Variants in DENND1C observed in about 807,000 individuals in gnomAD.
DENND1C encodes DENN domain containing 1C.
DENND1C carries 64 observed loss-of-function variants against 87.9 expected under a neutral mutation model. The observed-to-expected ratio is 0.73, with a 90% CI of 0.60 to 0.90. The LOEUF (loss-of-function observed/expected upper bound fraction) is 0.90. Ranked by LOEUF, DENND1C falls within the 40% of genes least tolerant of loss-of-function variation. The pLI, the probability that DENND1C is intolerant of heterozygous loss-of-function variation, is 0.00. For missense variants in DENND1C, 980 were observed against 1,037.0 expected (o/e 0.95, Z 0.76); for synonymous variants, 384 against 424.4 (o/e 0.90, Z 1.17).
In DENND1C at chr19:6,480,024, CCAAT is replaced by C. The variant is rs1913435035; in HGVS notation, c.41_44del (p.Asp14GlyfsTer97). Reference sequence around the variant, plus strand: ...AGGCAGGGCAGGCCGCTTCGAAGAACCAATCAAACACAGCAGGGGAGCCCCCTCT... The same window carrying C: ...AGGCAGGGCAGGCCGCTTCGAAGAACCAAACACAGCAGGGGAGCCCCCTCT... On this transcript the variant is annotated frameshift_variant, in exon 2 of 23. Coordinates refer to ENST00000381480, the MANE Select transcript of DENND1C (RefSeq NM_024898.4). LOFTEE classifies it high-confidence loss of function. The C allele has an allele frequency of 6.4e-7, 1 of 1,574,084 alleles. No individual in the cohort carries two copies. The highest frequency in any genetic ancestry group is 8.6e-7 in the Non-Finnish European group (1 of 1,156,942).
At chr19:6,471,208 G>A (rs1466995067) in intron 17 of DENND1C, 57 bp downstream of exon 17, 9 of 1,549,366 alleles carry the variant, frequency 5.8e-6, no homozygotes, top group Non-Finnish European at 7.9e-6. Flanking sequence ...ACCTCCTAAT[G>A]TGTTGGGATT....
chr19:6,477,199 G>T lies in DENND1C; in HGVS notation c.513+19C>A. ...TCACCTGGACCCCCGACCTTCCAGG[G>T]TCCCCGAGCCCCGCTCACCGGCTTG... On this transcript the variant is annotated intron_variant, in intron 8 of 22. Coordinates refer to ENST00000381480, the MANE Select transcript of DENND1C (RefSeq NM_024898.4). The T allele has an allele frequency of 6.3e-7, 1 of 1,588,638 alleles. No individual in the cohort carries two copies. Among genetic ancestry groups the T allele is most frequent in the Non-Finnish European group, 8.6e-7 (1 of 1,168,138 alleles).
At position 6,468,359 on chromosome 19, in the gene DENND1C, C is replaced by T. The variant is rs768841845; in HGVS notation, c.1666G>A (p.Glu556Lys). 2 of 1,613,950 alleles carry T rather than the reference C, an allele frequency of 1.2e-6. No individual in the cohort carries two copies. The highest frequency in any genetic ancestry group is 1.1e-5 in the South Asian group (1 of 91,068). The change falls in exon 22 of 23, where the codon GAA becomes AAA. Residue 556 changes from glutamate (E) to lysine (K), a missense_variant. Physicochemically the swap from Glu to Lys is moderately conservative, Grantham distance 56. Transcript: ENST00000381480. ...LDSSFLGSGE[E>K]LDLLSEILDS... ...AGAATCTCGCTCAACAAATCCAGTT[C>T]TTCTCCAGACCCCAAGAAGCTGCTG...
chr19:6,471,643 A>ATT, intron 15 of DENND1C, 147 bp from the exon 16 acceptor site: 1 of 670,722 alleles, frequency 1.5e-6, no homozygotes, highest in African/African-American at 1.8e-5. Flanking sequence ...AGCCCACTTT[A>ATT]TTTTTTATTT....
At chr19:6,473,467 T>TG (rs2092841219) in intron 14 of DENND1C, among the ~76,000 whole-genome samples, 2 of 150,690 alleles carry the variant, frequency 1.3e-5, no homozygotes, top group Non-Finnish European at 3.0e-5. Flanking sequence ...TTTTTTTTTT[T>TG]TTTTTTTTCA....
At chr19:6,479,570 G>A (rs2092886194) in intron 4 of DENND1C, 99 bp downstream of exon 4, 1 of 1,487,186 alleles carries the variant, frequency 6.7e-7, no homozygotes, top group African/African-American at 1.4e-5. Flanking sequence ...GTCCTCGAGT[G>A]TATGGGTTTC....
rs1182506560 is a variant in DENND1C, at chr19:6,467,467, TA to T, written c.*36del. 6.7e-7 allele frequency: 1 copy of T among 1,487,752 alleles called. No homozygotes were observed. The highest frequency in any genetic ancestry group is 8.9e-7 in the Non-Finnish European group (1 of 1,118,782). The allele number at this position is 1,487,752 out of a possible 1,614,324, so 92.2% of individuals were successfully genotyped here. A position where few individuals can be genotyped will look rare whatever the true frequency, so the allele number is the denominator to read the frequency against. ...CAGCTTTTTTGGGCTCTTGTGGCTT[TA>T]TTGAGGGACTGGGGTCTCTCTTGGA... On this transcript the variant is annotated 3_prime_UTR_variant, in exon 23 of 23. Transcript: ENST00000381480.
intron 6 of DENND1C, 24 bp downstream of exon 6, chr19:6,478,759 G>C: frequency 6.2e-7 from 1 of 1,602,066 alleles, no homozygotes; most frequent in Non-Finnish European, 8.5e-7. Context: ...ACTCCCACAG[G>C]AGTGAGAGAG....
intron 1 of DENND1C, 43 bp downstream of exon 1, chr19:6,481,636 C>T (rs575755441): frequency 9.3e-6 from 15 of 1,611,694 alleles, no homozygotes; most frequent in Admixed American, 3.4e-5. Flanking sequence ...AGGCCTGGCC[C>T]GGGAATCTTG....
In DENND1C at chr19:6,468,560, GT is replaced by G; in HGVS notation, c.1583+17del. 1 of 1,551,668 alleles carries G rather than the reference GT, an allele frequency of 6.4e-7. No individual in the cohort carries two copies. Among genetic ancestry groups the G allele is most frequent in the Non-Finnish European group, 8.7e-7 (1 of 1,148,800 alleles). On this transcript the variant is annotated intron_variant, in intron 21 of 22. Transcript: ENST00000381480. ...CTGGCCTCCCACTTTCAACACTGCT[GT>G]TCCCTTTTTGCCTTACCCCGCCCCT...
chr19:6,475,633 G>C (rs780482637), intron 12 of DENND1C, 48 bp from the exon 13 acceptor site: 2 of 1,613,546 alleles, frequency 1.2e-6, no homozygotes, highest in East Asian at 4.5e-5. Flanking sequence ...GTCCTTGGCA[G>C]AGGAGGGCAT....
chr19:6,476,787 C>T, intron 10 of DENND1C, 70 bp downstream of exon 10: 2 of 1,464,634 alleles, frequency 1.4e-6, no homozygotes, highest in East Asian at 4.7e-5. Context: ...CAGGAATCAG[C>T]CCCCTTGTCC....
At chr19:6,476,784 C>G in intron 10 of DENND1C, 73 bp downstream of exon 10, 3 of 1,448,444 alleles carry the variant, frequency 2.1e-6, no homozygotes, top group Non-Finnish European at 2.8e-6. Flanking sequence ...AGCCAGGAAT[C>G]AGCCCCCTTG....
At position 6,468,371 on chromosome 19, in the gene DENND1C, C is replaced by T; in HGVS notation, c.1654G>A (p.Gly552Arg). Residue 552 changes from glycine to arginine, a missense_variant, in exon 22 of 23, where the codon GGG becomes AGG. Transcript: ENST00000381480. ...AACAAATCCAGTTCTTCTCCAGACC[C>T]CAAGAAGCTGCTGTCCAGAGCTTCT... Reference protein sequence around the residue: ...AEEALDSSFLGSGEELDLLSE... With the variant: ...AEEALDSSFLRSGEELDLLSE... 1 of 1,613,900 alleles carries T rather than the reference C, an allele frequency of 6.2e-7. No individual in the cohort carries two copies. Among genetic ancestry groups the T allele is most frequent in the East Asian group, 2.2e-5 (1 of 44,878 alleles).
At chr19:6,480,979 C>T (rs971373142) in intron 1 of DENND1C, among the ~76,000 whole-genome samples, 2 of 151,824 alleles carry the variant, frequency 1.3e-5, no homozygotes, top group Non-Finnish European at 2.9e-5. Flanking sequence ...TTTTCCTGTA[C>T]AGCTGTGAGT....
At position 6,467,937 on chromosome 19, in the gene DENND1C, G is replaced by A. The variant is rs1362767359; in HGVS notation, c.1973C>T (p.Ser658Leu). The change falls in exon 23 of 23, where the codon TCA (serine) becomes TTA (leucine). Residue 658 changes from serine (S) to leucine (L), a missense_variant. Coordinates refer to ENST00000381480, the MANE Select transcript of DENND1C (RefSeq NM_024898.4). ...GATGCTTGGGTCTGCAGAAGCTGTTGAGGACTGGGATGGAGACGTGACTTC... is the reference window on the plus strand; with the variant it reads ...GATGCTTGGGTCTGCAGAAGCTGTTAAGGACTGGGATGGAGACGTGACTTC... ...DQEVTSPSQS[S>L]TASADPSIWG... 1 of 1,613,894 alleles carries A rather than the reference G, an allele frequency of 6.2e-7. No individual in the cohort carries two copies. Among genetic ancestry groups the A allele is most frequent in the South Asian group, 1.1e-5 (1 of 91,042 alleles).
Position 6,479,650 on chromosome 19 carries a change from T to G in DENND1C, c.176+19A>C. 6.2e-7 allele frequency: 1 copy of G among 1,613,732 alleles called. No homozygotes were observed. Among genetic ancestry groups the G allele is most frequent in the East Asian group, 2.2e-5 (1 of 44,876 alleles). Reference sequence around the variant, plus strand: ...AGATCTGAGTCCCTGAGTCCTTGGATCTCCCCGCCCTTCCGTACCTTTCCA... The same window carrying G: ...AGATCTGAGTCCCTGAGTCCTTGGAGCTCCCCGCCCTTCCGTACCTTTCCA... On this transcript the variant is annotated intron_variant, in intron 4 of 22. Coordinates refer to ENST00000381480, the MANE Select transcript of DENND1C (RefSeq NM_024898.4).
In DENND1C at chr19:6,467,283, G is replaced by T; in HGVS notation, c.*221C>A. 1.7e-6 allele frequency: 1 copy of T among 577,308 alleles called. No individual in the cohort carries two copies. The highest frequency in any genetic ancestry group is 2.8e-6 in the Non-Finnish European group (1 of 362,548). The allele number at this position is 577,308 out of a possible 1,614,324, so 35.8% of individuals were successfully genotyped here. A position where few individuals can be genotyped will look rare whatever the true frequency, so the allele number is the denominator to read the frequency against. ...CTGAGATGGAAGTGACAAATGCCGA[G>T]AGGAATTGTAAGGTTGCCAGGATTC... On this transcript the variant is annotated 3_prime_UTR_variant, in exon 23 of 23. Coordinates refer to ENST00000381480, the MANE Select transcript of DENND1C (RefSeq NM_024898.4).
intron 4 of DENND1C, among the ~76,000 whole-genome samples, chr19:6,479,273 G>A (rs2092883161): frequency 1.4e-4 from 20 of 143,970 alleles, no homozygotes; most frequent in African/African-American, 5.9e-4. Context: ...GGATCTCTGG[G>A]TTTCTGGATC....
Sources: gnomAD v4.1 joint callset for allele counts (sites outside exome capture counted in the v4.1 genomes callset) on GRCh38, gnomAD v4.1.1 for gene constraint, MANE v1.5 for transcripts, NCBI Gene and HGNC (gene_info 2026-07-23, HGNC 2026-07-21) for gene names.